HS6ST3: variants seen among roughly 807,000 people sequenced by gnomAD.
HS6ST3 encodes heparan-sulfate 6-O-sulfotransferase 3.
In HS6ST3, 12 loss-of-function variants were observed where a neutral mutation model predicts 36.7. The ratio of observed to expected loss-of-function variants is 0.33; its 90% CI spans 0.21 to 0.53. The LOEUF (loss-of-function observed/expected upper bound fraction) is 0.53, where lower values mean the gene tolerates loss of function less well. HS6ST3 is among the 20% of genes least tolerant of loss of function. The pLI, the probability that HS6ST3 is intolerant of heterozygous loss-of-function variation, is 0.95. For missense variants in HS6ST3, 584 were observed against 640.9 expected (o/e 0.91, Z 0.96); for synonymous variants, 240 against 257.5 (o/e 0.93, Z 0.65).
At chr13:96,568,252 A>T (rs2056288713) in intron 1 of HS6ST3, among the ~76,000 whole-genome samples, 1 of 152,138 alleles carries the variant, frequency 6.6e-6, no homozygotes, top group Admixed American at 6.6e-5. Flanking sequence ...GTATTCAGCA[A>T]ATACCATCAT....
intron 1 of HS6ST3, among the ~76,000 whole-genome samples, chr13:96,364,672 G>T (rs2055254792): frequency 6.6e-6 from 1 of 152,136 alleles, no homozygotes; most frequent in Non-Finnish European, 1.5e-5. Flanking sequence ...AACAAGTTCA[G>T]GAAATGGATA....
At chr13:96,378,230 C>T (rs748563805) in intron 1 of HS6ST3, among the ~76,000 whole-genome samples, 1 of 152,060 alleles carries the variant, frequency 6.6e-6, no homozygotes, top group Non-Finnish European at 1.5e-5. Context: ...AGATGGTATC[C>T]CCACCTTCTT....
chr13:96,455,870 T>C (rs950626714), intron 1 of HS6ST3, among the ~76,000 whole-genome samples: 14 of 152,316 alleles, frequency 9.2e-5, no homozygotes, highest in Non-Finnish European at 1.8e-4. Context: ...GCCTGTGCTT[T>C]TGTGAAACAG....
intron 1 of HS6ST3, among the ~76,000 whole-genome samples, chr13:96,706,025 A>G (rs1875413851): frequency 6.6e-6 from 1 of 152,166 alleles, no homozygotes; most frequent in South Asian, 2.1e-4. Context: ...TTATCTGAGA[A>G]TCCTTCCTTT....
intron 1 of HS6ST3, among the ~76,000 whole-genome samples, chr13:96,106,773 G>T (rs2053843641): frequency 6.6e-6 from 1 of 152,186 alleles, no homozygotes; most frequent in South Asian, 2.1e-4. Flanking sequence ...ACAAAGCAAG[G>T]TCATTAGCTG....
intron 1 of HS6ST3, among the ~76,000 whole-genome samples, chr13:96,320,759 G>A (rs569914829): frequency 2.6e-5 from 4 of 152,292 alleles, no homozygotes; most frequent in African/African-American, 4.8e-5. Context: ...CCCCAGCGTC[G>A]GGGAAGATCA....
intron 1 of HS6ST3, among the ~76,000 whole-genome samples, chr13:96,815,790 T>C (rs1257911257): frequency 9.9e-5 from 15 of 152,210 alleles, no homozygotes; most frequent in Admixed American, 9.8e-4. Context: ...TTTATAACTT[T>C]AAGTTATTTA....
At chr13:96,227,975 G>A (rs1055503859) in intron 1 of HS6ST3, among the ~76,000 whole-genome samples, 8 of 152,122 alleles carry the variant, frequency 5.3e-5, no homozygotes, top group African/African-American at 1.9e-4. Flanking sequence ...AAAAATTCAT[G>A]GGAATAGGAG....
chr13:96,572,293 T>C (rs2056303531), intron 1 of HS6ST3, among the ~76,000 whole-genome samples: 1 of 152,230 alleles, frequency 6.6e-6, no homozygotes, highest in Admixed American at 6.5e-5. Context: ...AACAGCATTA[T>C]TGCTATGAGA....
rs1399439770 is a variant in HS6ST3, at chr13:96,090,536, G to A, written c.-327G>A. 1.4e-5 allele frequency among the ~76,000 whole-genome samples: 2 copies of A among 146,426 alleles called. No homozygotes were observed. The highest frequency in any genetic ancestry group is 2.4e-5 in the African/African-American group (1 of 40,974). On this transcript the variant is annotated 5_prime_UTR_variant, in exon 1 of 2. Coordinates refer to ENST00000376705, the MANE Select transcript of HS6ST3 (RefSeq NM_153456.4). ...CTGAGCGCCTGCAAGCCGCCGGCGG[G>A]ATGCCGCGCGTCGCCTGAGAGAGCC...
At chr13:96,267,286 C>G (rs1480965983) in intron 1 of HS6ST3, among the ~76,000 whole-genome samples, 1 of 152,150 alleles carries the variant, frequency 6.6e-6, no homozygotes, top group Non-Finnish European at 1.5e-5. Context: ...CTTATAGCAG[C>G]ATGAGAATGG....
intron 1 of HS6ST3, among the ~76,000 whole-genome samples, chr13:96,414,558 C>T (rs1445520854): frequency 6.6e-6 from 1 of 151,928 alleles, no homozygotes; most frequent in Non-Finnish European, 1.5e-5. Context: ...TCTCGGCTCA[C>T]TGCTACTTCT....
chr13:96,637,197 G>A (rs2056552960), intron 1 of HS6ST3, among the ~76,000 whole-genome samples: 1 of 152,060 alleles, frequency 6.6e-6, no homozygotes, highest in African/African-American at 2.4e-5. Context: ...AGGCCCAGCT[G>A]AGACTACCTT....
chr13:96,687,010 T>G (rs1874798879), intron 1 of HS6ST3, among the ~76,000 whole-genome samples: 1 of 152,030 alleles, frequency 6.6e-6, no homozygotes, highest in South Asian at 2.1e-4. Context: ...TGCTACTCTT[T>G]TTCCTCAGGG....
intron 1 of HS6ST3, among the ~76,000 whole-genome samples, chr13:96,408,774 T>C (rs915168413): frequency 2.0e-5 from 3 of 151,984 alleles, no homozygotes; most frequent in Admixed American, 6.6e-5. Flanking sequence ...AATACAAAAA[T>C]TAGCCAGGCA....
chr13:96,433,076 C>A (rs184792963), intron 1 of HS6ST3, among the ~76,000 whole-genome samples: 1 of 152,184 alleles, frequency 6.6e-6, no homozygotes, highest in East Asian at 1.9e-4. Context: ...CAAATTTGTT[C>A]TTTTAAAAAA....
chr13:96,599,008 C>T (rs1373100559), intron 1 of HS6ST3, among the ~76,000 whole-genome samples: 1 of 152,062 alleles, frequency 6.6e-6, no homozygotes, highest in Non-Finnish European at 1.5e-5. Flanking sequence ...GCATCCCTGG[C>T]ATGAAACGTA....
At chr13:96,508,205 A>G (rs1486887215) in intron 1 of HS6ST3, among the ~76,000 whole-genome samples, 1 of 152,092 alleles carries the variant, frequency 6.6e-6, no homozygotes, top group African/African-American at 2.4e-5. Flanking sequence ...CCACGGTTTC[A>G]TAATTGCCAT....
chr13:96,838,499 A>C lies in HS6ST3; in HGVS notation c.*5301A>C, dbSNP rs1216462320. 1 of 152,324 alleles carries C rather than the reference A, an allele frequency of 6.6e-6. No homozygotes were observed. Among genetic ancestry groups the C allele is most frequent in the Non-Finnish European group, 1.5e-5 (1 of 68,154 alleles). 9.4% of individuals were successfully genotyped at this position (152,324 alleles called of 1,614,324 possible). A position where few individuals can be genotyped will look rare whatever the true frequency, so the allele number is the denominator to read the frequency against. On this transcript the variant is annotated 3_prime_UTR_variant, in exon 2 of 2. Coordinates refer to ENST00000376705, the MANE Select transcript of HS6ST3 (RefSeq NM_153456.4). ...CCCCATTGGTCACCAGAGCAACTGC[A>C]TGTCTTCAGGCTGGGTATTAGGGCT... is the stretch of plus-strand genomic sequence containing the variant.
Sources: gnomAD v4.1 joint callset for allele counts (sites outside exome capture counted in the v4.1 genomes callset) on GRCh38, gnomAD v4.1.1 for gene constraint, MANE v1.5 for transcripts, NCBI Gene and HGNC (gene_info 2026-07-23, HGNC 2026-07-21) for gene names.